Variants in MSI2 observed in about 807,000 individuals in gnomAD.
MSI2 encodes the protein RNA-binding protein Musashi homolog 2.
Under a neutral mutation model 45.6 loss-of-function variants are expected in MSI2, and 17 were observed. The ratio of observed to expected loss-of-function variants is 0.37; its 90% CI spans 0.26 to 0.56. The LOEUF (loss-of-function observed/expected upper bound fraction) is 0.56. Ranked by LOEUF, MSI2 falls within the 20% of genes least tolerant of loss-of-function variation. The pLI, the probability that MSI2 is intolerant of heterozygous loss-of-function variation, is 0.77. For missense variants in MSI2, 293 were observed against 444.2 expected, an observed-to-expected ratio of 0.66 and a Z score of 3.06; for synonymous variants, 156 against 158.2, an observed-to-expected ratio of 0.99 and a Z score of 0.11.
At chr17:57,609,062 G>A (rs1906965401) in intron 8 of MSI2, among the ~76,000 whole-genome samples, 1 of 152,178 alleles carries the variant, frequency 6.6e-6, no homozygotes, top group South Asian at 2.1e-4. Flanking sequence ...GTGTGTAGCT[G>A]TCAGGCTCTA....
intron 7 of MSI2, among the ~76,000 whole-genome samples, chr17:57,568,446 A>G (rs961167833): frequency 1.3e-5 from 2 of 152,196 alleles, no homozygotes; most frequent in Non-Finnish European, 1.5e-5. Context: ...GCCCCAATCA[A>G]GAACAAAGAC....
chr17:57,366,082 T>G (rs1417030747), intron 5 of MSI2, among the ~76,000 whole-genome samples: 1 of 152,170 alleles, frequency 6.6e-6, no homozygotes, highest in Admixed American at 6.5e-5. Flanking sequence ...GGCTATTTTC[T>G]TGTATTCTTA....
At chr17:57,674,399 A>C (rs1387300656) in intron 11 of MSI2, among the ~76,000 whole-genome samples, 8 of 152,086 alleles carry the variant, frequency 5.3e-5, no homozygotes, top group Admixed American at 2.0e-4. Context: ...CACACACACA[A>C]AAAAAGATCA....
Position 57,445,232 on chromosome 17 carries a change from C to T in MSI2, c.405+43761C>T, listed in dbSNP as rs147020584. 3.3e-4 allele frequency among the ~76,000 whole-genome samples: 50 copies of T among 152,280 alleles called. 2 individuals are homozygous for T. In the East Asian group the frequency reaches 8.9e-3, roughly 27 times the overall value. ...GAGATGATCCCAGAAAAGCTTCCTT[C>T]GGTCACCAAGCCGCGTGTTTGTGTC... On this transcript the variant is annotated intron_variant, in intron 6 of 13. Transcript: ENST00000284073.
downstream of MSI2, chr17:57,685,513 T>G (rs1345255462): frequency 3.3e-5 from 5 of 152,188 alleles, no homozygotes; most frequent in Non-Finnish European, 7.3e-5. Context: ...TATAACAAGT[T>G]TATCTTTTTT....
In MSI2 at chr17:57,550,232, G is replaced by A. The variant is rs115099001; in HGVS notation, c.454+20508G>A. Among the ~76,000 whole-genome samples, 1,008 of 152,288 alleles carry A rather than the reference G, an allele frequency of 6.6e-3. 9 individuals are homozygous for A. Among genetic ancestry groups the A allele is most frequent in the African/African-American group, 0.017 (716 of 41,556 alleles). On this transcript the variant is annotated intron_variant, in intron 7 of 13. Coordinates refer to ENST00000284073, the MANE Select transcript of MSI2 (RefSeq NM_138962.4). ...CTTAGAGCTTGGGTTTGGTGGCTCC[G>A]GCTGGCAGCAGGAAGCAGTGGTTGT...
At chr17:57,496,349 C>T (rs765782028) in intron 6 of MSI2, among the ~76,000 whole-genome samples, 5 of 152,210 alleles carry the variant, frequency 3.3e-5, no homozygotes, top group African/African-American at 9.7e-5. Context: ...TAATGACTCC[C>T]CTGTCCTACC....
At chr17:57,387,056 G>A (rs1472005749) in intron 5 of MSI2, among the ~76,000 whole-genome samples, 1 of 152,192 alleles carries the variant, frequency 6.6e-6, no homozygotes, top group Non-Finnish European at 1.5e-5. Context: ...ACTACAAAAT[G>A]AGCCCTCCAT....
At chr17:57,527,464 C>CA (rs1555618915) in intron 6 of MSI2, among the ~76,000 whole-genome samples, 1 of 144,288 alleles carries the variant, frequency 6.9e-6, no homozygotes, top group Non-Finnish European at 1.6e-5. Context: ...AGGTTACCGT[C>CA]GGCGGGGGCT....
At chr17:57,584,552 C>T (rs897572853) in intron 7 of MSI2, among the ~76,000 whole-genome samples, 2 of 152,120 alleles carry the variant, frequency 1.3e-5, no homozygotes, top group African/African-American at 4.8e-5. Context: ...AACCATACCT[C>T]ATAATAAAAG....
At chr17:57,633,144 G>A in intron 10 of MSI2, 1 of 1,021,608 alleles carries the variant, frequency 9.8e-7, no homozygotes, top group Non-Finnish European at 1.2e-6. Context: ...TTTTTCCCCT[G>A]TAAGCAACCG....
intron 10 of MSI2, among the ~76,000 whole-genome samples, chr17:57,634,844 G>T (rs960132290): frequency 6.6e-6 from 1 of 152,176 alleles, no homozygotes; most frequent in Non-Finnish European, 1.5e-5. Flanking sequence ...CATAGTCTAA[G>T]AAGGCTGCTC....
intron 10 of MSI2, chr17:57,631,612 G>A: frequency 1.7e-6 from 1 of 604,238 alleles, no homozygotes; most frequent in African/African-American, 1.9e-5. Flanking sequence ...AACCACTCTG[G>A]GAACAGCTCC....
At chr17:57,330,776 G>A (rs1227960219) in intron 5 of MSI2, among the ~76,000 whole-genome samples, 1 of 152,088 alleles carries the variant, frequency 6.6e-6, no homozygotes, top group African/African-American at 2.4e-5. Flanking sequence ...GTGGTAGAAC[G>A]AGCACCACAG....
chr17:57,636,287 A>G (rs528304673), intron 10 of MSI2, among the ~76,000 whole-genome samples: 186 of 152,306 alleles, frequency 1.2e-3, no homozygotes, highest in Non-Finnish European at 2.3e-3. Context: ...AAGGGGCTGC[A>G]TCCTGAACCT....
At chr17:57,642,217 A>T (rs1910314213) in intron 10 of MSI2, among the ~76,000 whole-genome samples, 1 of 152,130 alleles carries the variant, frequency 6.6e-6, no homozygotes, top group Non-Finnish European at 1.5e-5. Context: ...AGTTTTTTTT[A>T]ACTGAATTGA....
At chr17:57,600,085 A>G (rs1455583175) in intron 8 of MSI2, among the ~76,000 whole-genome samples, 1 of 152,238 alleles carries the variant, frequency 6.6e-6, no homozygotes. Flanking sequence ...ACTGGTTTCT[A>G]CTTCTGAGGC....
At chr17:57,633,779 G>C (rs1909617098) in intron 10 of MSI2, among the ~76,000 whole-genome samples, 1 of 152,200 alleles carries the variant, frequency 6.6e-6, no homozygotes, top group African/African-American at 2.4e-5. Context: ...GATAACATGT[G>C]CATGAATGTG....
At chr17:57,346,356 G>GA (rs1366315241) in intron 5 of MSI2, among the ~76,000 whole-genome samples, 1 of 145,258 alleles carries the variant, frequency 6.9e-6, no homozygotes, top group Non-Finnish European at 1.5e-5. Flanking sequence ...TTTGGGGGGG[G>GA]GGGTCTGATT....
Sources: allele counts gnomAD v4.1 joint callset (sites outside exome capture counted in the v4.1 genomes callset), GRCh38; gene constraint gnomAD v4.1.1; transcripts MANE v1.5; gene names NCBI Gene and HGNC (gene_info 2026-07-23, HGNC 2026-07-21).